FHL3: variants seen among roughly 807,000 people sequenced by gnomAD.
The protein encoded by FHL3 is four and a half LIM domains protein 3.
FHL3 carries 21 observed loss-of-function variants against 34.3 expected under a neutral mutation model. That is an observed-to-expected ratio of 0.61 (90% confidence interval 0.43 to 0.88). The LOEUF is 0.88. Among genes scored for constraint, FHL3 ranks in the 40% least tolerant of loss-of-function variants. The pLI, the probability that FHL3 is intolerant of heterozygous loss-of-function variation, is 0.00. For missense variants in FHL3, 333 were observed against 373.7 expected (o/e 0.89, Z 0.90); for synonymous variants, 137 against 144.6 (o/e 0.95, Z 0.38).
intron 1 of FHL3, among the ~76,000 whole-genome samples, chr1:38,001,254 C>T (rs750031676): frequency 1.3e-5 from 2 of 152,252 alleles, no homozygotes; most frequent in Non-Finnish European, 2.9e-5. Flanking sequence ...GCCACTCAGG[C>T]CCAGGTTTCC....
chr1:38,004,770 C>G (rs1570490322), intron 1 of FHL3, among the ~76,000 whole-genome samples: 2 of 152,192 alleles, frequency 1.3e-5, no homozygotes, highest in East Asian at 1.9e-4. Context: ...CTGCAGGCCT[C>G]AGAGAGCAGA....
chr1:37,999,333 T>C lies in FHL3; in HGVS notation c.80A>G (p.Tyr27Cys). The change falls in exon 2 of 6, where the codon TAC becomes TGC. Residue 27 changes from tyrosine to cysteine, a missense_variant. Transcript: ENST00000373016. ...RKYIQTDSGP[Y>C]CVPCYDNTFA... The stretch of plus-strand genomic sequence containing the variant: ...GGTATTGTCATAGCAGGGCACACAG[T>C]AGGGGCCGCTGTCTGTCTGGATGTA... 3.1e-6 allele frequency: 5 copies of C among 1,614,220 alleles called. No homozygotes were observed. The highest frequency in any genetic ancestry group is 3.4e-6 in the Non-Finnish European group (4 of 1,180,032).
intron 1 of FHL3, 120 bp from the exon 2 acceptor site, chr1:37,999,552 G>A (rs1646572313): frequency 3.4e-6 from 3 of 886,304 alleles, no homozygotes; most frequent in African/African-American, 3.4e-5. Context: ...TGCCAGTTCA[G>A]AGTAGGTGGG....
intron 1 of FHL3, among the ~76,000 whole-genome samples, chr1:38,002,945 G>A (rs991084485): frequency 2.0e-5 from 3 of 151,846 alleles, no homozygotes; most frequent in African/African-American, 7.3e-5. Context: ...ATCACCTGAG[G>A]TCAGGAGTTC....
In FHL3 at chr1:37,997,042, T is replaced by C. The variant is rs1646540381; in HGVS notation, c.*363A>G. ...GCACCCATAGGAGACCTGAAACCTA[T>C]AAAGAGAAGTCTAGATTTAAGGGGG... On this transcript the variant is annotated 3_prime_UTR_variant, in exon 6 of 6. Transcript: ENST00000373016. The surrounding 1 kb of genome is among the most constrained non-coding windows in gnomAD (Gnocchi z 4.3). 1 of 197,576 alleles carries C rather than the reference T, an allele frequency of 5.1e-6. No homozygotes were observed. Among genetic ancestry groups the C allele is most frequent in the Non-Finnish European group, 1.0e-5 (1 of 95,802 alleles). The allele number at this position is 197,576 out of a possible 1,614,324, so 12.2% of individuals were successfully genotyped here. A position where few individuals can be genotyped will look rare whatever the true frequency, so the allele number is the denominator to read the frequency against.
intron 1 of FHL3, among the ~76,000 whole-genome samples, chr1:38,001,014 TGAC>T (rs1028098211): frequency 5.9e-5 from 9 of 152,176 alleles, no homozygotes; most frequent in Non-Finnish European, 1.3e-4. Context: ...GCGAAATTCT[TGAC>T]AACAAGCGCT....
chr1:37,997,863 G>C lies in FHL3; in HGVS notation c.509C>G (p.Thr170Arg), dbSNP rs1369871860. The stretch of plus-strand genomic sequence containing the variant: ...ATCACGGTATGTCACTCCACCCTGT[G>C]TCAGCGTCTGTGGGGGCAGCATCCA... ...PRCARCSKTL[T>R]QGGVTYRDQP... Residue 170 changes from threonine to arginine, a missense_variant, in exon 5 of 6, where the codon ACA (threonine) becomes AGA (arginine). By Grantham distance (71) the Thr-to-Arg change is moderately conservative (BLOSUM62 -1). Coordinates refer to ENST00000373016, the MANE Select transcript of FHL3 (RefSeq NM_004468.5). This position sits in a 1 kb window ranked among gnomAD's most constrained non-coding sequence, Gnocchi z 4.3. 4 of 1,613,624 alleles carry C rather than the reference G, an allele frequency of 2.5e-6. No individual in the cohort carries two copies. Among genetic ancestry groups the C allele is most frequent in the Non-Finnish European group, 3.4e-6 (4 of 1,179,706 alleles).
chr1:38,001,437 G>C (rs754863621), intron 1 of FHL3, among the ~76,000 whole-genome samples: 2 of 152,246 alleles, frequency 1.3e-5, no homozygotes, highest in Non-Finnish European at 2.9e-5. Context: ...CCCCCTGAGA[G>C]ACAGTCAGCA....
At chr1:38,000,379 G>A (rs1557763175) in intron 1 of FHL3, among the ~76,000 whole-genome samples, 1 of 152,104 alleles carries the variant, frequency 6.6e-6, no homozygotes, top group African/African-American at 2.4e-5. Flanking sequence ...CCATCCCCTG[G>A]GGTCATGATT....
intron 1 of FHL3, among the ~76,000 whole-genome samples, chr1:38,002,839 C>G (rs190487837): frequency 6.6e-6 from 1 of 150,978 alleles, no homozygotes; most frequent in Non-Finnish European, 1.5e-5. Context: ...TGCAGTGGCA[C>G]GATCATGGCT....
chr1:38,002,108 T>C (rs1646601404), intron 1 of FHL3, among the ~76,000 whole-genome samples: 1 of 151,888 alleles, frequency 6.6e-6, no homozygotes, highest in African/African-American at 2.4e-5. Context: ...GAATTTTTTT[T>C]TTTTTTTTGA....
intron 1 of FHL3, among the ~76,000 whole-genome samples, chr1:38,004,518 A>G (rs982643401): frequency 1.3e-5 from 2 of 151,738 alleles, no homozygotes; most frequent in African/African-American, 4.8e-5. Flanking sequence ...TCTCTGCTTC[A>G]CTCAGCATCT....
intron 1 of FHL3, 75 bp downstream of exon 1, chr1:38,005,281 CG>C (rs1425481277): frequency 1.3e-5 from 2 of 151,234 alleles, no homozygotes; most frequent in Non-Finnish European, 3.0e-5. Context: ...CAGCCCTCCG[CG>C]GGTCCCTTCG....
chr1:38,004,789 G>A (rs1371605754), intron 1 of FHL3, among the ~76,000 whole-genome samples: 4 of 152,176 alleles, frequency 2.6e-5, no homozygotes, highest in Admixed American at 6.5e-5. Flanking sequence ...GATTCAGCAT[G>A]AGGCCAATGA....
chr1:38,000,785 GCTCT>G lies in FHL3; in HGVS notation c.-20-1357_-20-1354del, dbSNP rs754859463. Among the ~76,000 whole-genome samples, 38 of 152,224 alleles carry G rather than the reference GCTCT, an allele frequency of 2.5e-4. No homozygotes were observed. The Middle Eastern group carries it at 0.01, about 41-fold the overall frequency. On this transcript the variant is annotated intron_variant, in intron 1 of 5. Coordinates refer to ENST00000373016, the MANE Select transcript of FHL3 (RefSeq NM_004468.5). ...CCTGCTCTCCTCCATCATGAAGGCT[GCTCT>G]CTAAGGGCTGGGATCCTGGGGTAGT...
chr1:38,004,595 C>T (rs533835887), intron 1 of FHL3, among the ~76,000 whole-genome samples: 2 of 152,264 alleles, frequency 1.3e-5, no homozygotes, highest in South Asian at 4.2e-4. Flanking sequence ...GACTGGCTGT[C>T]CCCCAGGGGG....
At chr1:37,998,814 G>A in intron 3 of FHL3, 160 bp downstream of exon 3, 1 of 692,494 alleles carries the variant, frequency 1.4e-6, no homozygotes, top group Non-Finnish European at 2.4e-6. Context: ...TAGCCCCCAG[G>A]AGTATACCAG....
intron 1 of FHL3, among the ~76,000 whole-genome samples, chr1:38,001,671 C>T (rs372149565): frequency 7.2e-4 from 109 of 152,312 alleles, no homozygotes; most frequent in South Asian, 5.6e-3. Flanking sequence ...CCTTCCTGAC[C>T]GGCAGTGGGG....
At chr1:38,004,666 A>G (rs1646625915) in intron 1 of FHL3, among the ~76,000 whole-genome samples, 1 of 151,914 alleles carries the variant, frequency 6.6e-6, no homozygotes, top group Non-Finnish European at 1.5e-5. Context: ...GAATGTCTCA[A>G]TCCCCACCAC....
Sources: allele counts gnomAD v4.1 joint callset (sites outside exome capture counted in the v4.1 genomes callset), GRCh38; gene constraint gnomAD v4.1.1; non-coding constraint Gnocchi (gnomAD v3.1); transcripts MANE v1.5; gene names NCBI Gene and HGNC (gene_info 2026-07-23, HGNC 2026-07-21).